Variants in CEP350 observed in about 807,000 individuals in gnomAD.
The protein encoded by CEP350 is centrosomal protein 350, also known as centrosome-associated protein 350.
A neutral mutation model predicts 331.8 loss-of-function variants in CEP350; 126 were observed. The observed-to-expected ratio is 0.38, with a 90% CI of 0.33 to 0.44. The LOEUF is 0.44. Ranked by LOEUF, CEP350 falls within the 20% of genes least tolerant of loss-of-function variation. The pLI, the probability that CEP350 is intolerant of heterozygous loss-of-function variation, is 1.00. For missense variants in CEP350, 3,406 were observed against 3,634.6 expected (o/e 0.94, Z 1.62); for synonymous variants, 1,200 against 1,259.5 (o/e 0.95, Z 1.00).
At position 179,997,035 on chromosome 1, in the gene CEP350, G is replaced by A. The variant is rs1653501288; in HGVS notation, c.878G>A (p.Trp293Ter). 2 of 1,613,882 alleles carry A rather than the reference G, an allele frequency of 1.2e-6. No homozygotes were observed. The highest frequency in any genetic ancestry group is 1.3e-5 in the African/African-American group (1 of 74,928). Reference sequence around the variant, plus strand: ...CTTAAGGAACGGATTAGAAAACAGTGGGAACACTCAGAAGAAACAAATGGC... The same window carrying A: ...CTTAAGGAACGGATTAGAAAACAGTAGGAACACTCAGAAGAAACAAATGGC... The part of the protein sequence containing the change: ...EKLKERIRKQ[W>*]EHSEETNGRG... Residue 293 changes from tryptophan (W) to a stop codon, truncating the protein, a stop_gained, in exon 6 of 38, where the codon TGG (tryptophan) becomes TAG (stop). Transcript: ENST00000367607. LOFTEE classifies it high-confidence loss of function.
chr1:180,107,377 A>G (rs969378173), intron 37 of CEP350, among the ~76,000 whole-genome samples: 4 of 152,200 alleles, frequency 2.6e-5, no homozygotes, highest in Admixed American at 6.5e-5. Flanking sequence ...CCTTTAATCA[A>G]AAAAGTGTAA....
In CEP350 at chr1:180,053,899, T is replaced by G. The variant is rs1282283646; in HGVS notation, c.5139T>G (p.Thr1713=). 1 of 1,608,250 alleles carries G rather than the reference T, an allele frequency of 6.2e-7. No individual in the cohort carries two copies. The highest frequency in any genetic ancestry group is 1.1e-5 in the South Asian group (1 of 90,012). ...GTGAAAAGGCCTTGAAGGAGAAGAC[T>G]AAGGCTGAATTGGCCTGGTTAGAGC... ...RLREKALKEK[T]KAELAWLEHQ... Residue 1713 remains threonine (T), a synonymous_variant, in exon 24 of 38, where the codon ACT becomes ACG. Transcript: ENST00000367607.
Position 180,113,093 on chromosome 1 carries a change from G to A in CEP350, c.*1932G>A, listed in dbSNP as rs1178013875. 1 of 152,602 alleles carries A rather than the reference G, an allele frequency of 6.6e-6. No homozygotes were observed. Among genetic ancestry groups the A allele is most frequent in the Non-Finnish European group, 1.5e-5 (1 of 68,038 alleles). 9.5% of individuals were successfully genotyped at this position (152,602 alleles called of 1,614,324 possible). A position where few individuals can be genotyped will look rare whatever the true frequency, so the allele number is the denominator to read the frequency against. The stretch of plus-strand genomic sequence containing the variant: ...GGTTTCTTGGGGTTATTAACCAGTA[G>A]TGTGGAAATACTAGTTTTATGTGGC... On this transcript the variant is annotated 3_prime_UTR_variant, in exon 38 of 38. Transcript: ENST00000367607.
chr1:180,087,495 T>G, intron 31 of CEP350, 83 bp from the exon 32 acceptor site: 1 of 1,274,676 alleles, frequency 7.8e-7, no homozygotes, highest in Non-Finnish European at 1.1e-6. Flanking sequence ...TTTGAGCATT[T>G]TACCTTAAAA....
At position 180,037,087 on chromosome 1, in the gene CEP350, A is replaced by G. The variant is rs1381990311; in HGVS notation, c.4108A>G (p.Lys1370Glu). Residue 1370 changes from lysine to glutamate, a missense_variant and splice_region_variant, in exon 17 of 38, where the codon AAG becomes GAG. By Grantham distance (56) the Lys-to-Glu change is moderately conservative. Coordinates refer to ENST00000367607, the MANE Select transcript of CEP350 (RefSeq NM_014810.5). ...QESVSLAQII[K>E]AQQQRHERDL... is the part of the protein sequence containing the mutation. ...GAGTGTGTCTCTAGCTCAGATAATA[A>G]AGGTATTTTTGGAGTTTTTTAGCTT... 3 of 1,564,720 alleles carry G rather than the reference A, an allele frequency of 1.9e-6. No homozygotes were observed. The Admixed American group carries it at 6.2e-5, about 32-fold the overall frequency.
intron 4 of CEP350, among the ~76,000 whole-genome samples, chr1:179,991,322 T>TC (rs1471089041): frequency 1.4e-4 from 21 of 146,384 alleles, no homozygotes; most frequent in African/African-American, 4.7e-4. Context: ...TTCTTTTTTT[T>TC]TTTTTTTTTT....
intron 17 of CEP350, among the ~76,000 whole-genome samples, chr1:180,039,789 T>TCAA (rs138511976): frequency 0.093 from 14,116 of 151,930 alleles, 1,091 homozygotes; most frequent in African/African-American, 0.21. Flanking sequence ...TTTGTTAGTT[T>TCAA]CAACAACAAC....
At position 180,113,422 on chromosome 1, in the gene CEP350, G is replaced by A. The variant is rs1490433201; in HGVS notation, c.*2261G>A. ...TACAAGTCATGGAATCAGCAATCTG[G>A]TAAGAAATGCTGCCAAGAATGTGGC... On this transcript the variant is annotated 3_prime_UTR_variant, in exon 38 of 38. Coordinates refer to ENST00000367607, the MANE Select transcript of CEP350 (RefSeq NM_014810.5). 2 of 152,068 alleles carry A rather than the reference G, an allele frequency of 1.3e-5. No homozygotes were observed. The highest frequency in any genetic ancestry group is 2.9e-5 in the Non-Finnish European group (2 of 68,016). 9.4% of individuals were successfully genotyped at this position (152,068 alleles called of 1,614,324 possible).
At chr1:179,984,343 C>T (rs1235961981) in intron 1 of CEP350, among the ~76,000 whole-genome samples, 1 of 152,194 alleles carries the variant, frequency 6.6e-6, no homozygotes, top group African/African-American at 2.4e-5. Flanking sequence ...GGCTCAATGT[C>T]TCTCATAAGG....
At chr1:180,095,232 T>TAGAC (rs3831085) in intron 34 of CEP350, 174,028 of 239,186 alleles carry the variant, frequency 0.73, 65,215 homozygotes, top group Admixed American at 0.8. Flanking sequence ...CCATATCCCA[T>TAGAC]AGACAGTTCT....
Position 180,022,708 on chromosome 1 carries a change from C to T in CEP350, c.3246C>T (p.Asp1082=), listed in dbSNP as rs757697818. Residue 1082 remains aspartate (D), a synonymous_variant, in exon 13 of 38, where the codon GAC becomes GAT. Coordinates refer to ENST00000367607, the MANE Select transcript of CEP350 (RefSeq NM_014810.5). ...TATTACTTTTGTCAGGGTTTGAAGA[C>T]AAGTTGGACAGAGGAACATCAACAT... ...SYQLYGKGFE[D]KLDRGTSTSR... 6.2e-7 allele frequency: 1 copy of T among 1,611,608 alleles called. No homozygotes were observed. Among genetic ancestry groups the T allele is most frequent in the East Asian group, 2.2e-5 (1 of 44,850 alleles).
rs71118426 is a variant in CEP350 at position 180,007,839 on chromosome 1, CGTGTGTGTGT to C, written c.1246+1303_1246+1312del. On this transcript the variant is annotated intron_variant, in intron 8 of 37. Coordinates refer to ENST00000367607, the MANE Select transcript of CEP350 (RefSeq NM_014810.5). ...TAAAAAATTAATACATTTTATGTATCGTGTGTGTGTGTGTGTGTGTGTGTGTGTGTGTGTG... is the reference window on the plus strand; with the variant it reads ...TAAAAAATTAATACATTTTATGTATCGTGTGTGTGTGTGTGTGTGTGTGTG... Among the ~76,000 whole-genome samples the C allele has an allele frequency of 4.1e-3, 579 of 141,006 alleles. 2 individuals carry two copies. Among genetic ancestry groups the C allele is most frequent in the African/African-American group, 7.6e-3 (290 of 38,332 alleles). 92.5% of individuals were successfully genotyped at this position (141,006 alleles called of 152,430 possible).
chr1:180,033,864 T>C lies in CEP350; in HGVS notation c.3728T>C (p.Val1243Ala). 7 of 1,613,468 alleles carry C rather than the reference T, an allele frequency of 4.3e-6. No homozygotes were observed. Among genetic ancestry groups the C allele is most frequent in the African/African-American group, 1.3e-5 (1 of 75,020 alleles). ...LEDLSGHSVS[V>A]SSDKGRSQKT... ...TTTTTGTGGATCAAAACTTCTAGTGTCTCATCAGATAAGGGAAGATCTCAG... is the reference window on the plus strand; with the variant it reads ...TTTTTGTGGATCAAAACTTCTAGTGCCTCATCAGATAAGGGAAGATCTCAG... Residue 1243 changes from valine (V) to alanine (A), a missense_variant and splice_region_variant, in exon 16 of 38, where the codon GTC becomes GCC. This residue lies in a region of CEP350 where 1,857 missense variants were observed against 1,909.2 expected (regional missense o/e 0.97). Transcript: ENST00000367607.
chr1:180,041,753 A>C lies in CEP350; in HGVS notation c.4313A>C (p.Gln1438Pro). ...QEATCKIAAQ[Q>P]SETARLTTDA... ...GCAACGTGTAAAATAGCAGCTCAGC[A>C]GTCAGAAACTGCTCGCCTCACCACA... Residue 1438 changes from glutamine (Q) to proline (P), a missense_variant, in exon 19 of 38, where the codon CAG (glutamine) becomes CCG (proline). This residue lies in a region of CEP350 where 1,857 missense variants were observed against 1,909.2 expected (regional missense o/e 0.97). Transcript: ENST00000367607. The C allele has an allele frequency of 6.2e-7, 1 of 1,613,274 alleles. No homozygotes were observed. The highest frequency in any genetic ancestry group is 8.5e-7 in the Non-Finnish European group (1 of 1,179,574).
intron 1 of CEP350, among the ~76,000 whole-genome samples, chr1:179,981,685 G>T (rs1437270782): frequency 6.6e-6 from 1 of 152,104 alleles, no homozygotes; most frequent in African/African-American, 2.4e-5. Flanking sequence ...CATGAGAATA[G>T]ATATCATAAA....
At chr1:179,992,495 G>A (rs1219348654) in intron 5 of CEP350, among the ~76,000 whole-genome samples, 4 of 152,048 alleles carry the variant, frequency 2.6e-5, no homozygotes, top group Admixed American at 2.6e-4. Flanking sequence ...TAATAAATAC[G>A]TTTCCTAGAA....
In CEP350 at chr1:180,092,703, G is replaced by A. The variant is rs1660270473; in HGVS notation, c.6598G>A (p.Glu2200Lys). Reference protein sequence around the residue: ...KRVNEWDSRTEDFQTPSPVLR... With the variant: ...KRVNEWDSRTKDFQTPSPVLR... Reference sequence around the variant, plus strand: ...AGTAAATGAATGGGACAGTCGAACAGAAGATTTTCAGACCCCATCTCCAGT... The same window carrying A: ...AGTAAATGAATGGGACAGTCGAACAAAAGATTTTCAGACCCCATCTCCAGT... The change falls in exon 34 of 38, where the codon GAA (glutamate) becomes AAA (lysine). Residue 2200 changes from glutamate (E) to lysine (K), a missense_variant. By Grantham distance (56) the Glu-to-Lys change is moderately conservative. Around this residue, in one of 5 missense-constraint regions of CEP350, gnomAD observed 1,415 missense variants for 1,512.3 expected, o/e 0.94. Transcript: ENST00000367607. The A allele has an allele frequency of 6.2e-7, 1 of 1,612,478 alleles. No homozygotes were observed. Among genetic ancestry groups the A allele is most frequent in the Non-Finnish European group, 8.5e-7 (1 of 1,179,220 alleles).
chr1:180,061,742 TG>T (rs1464314053), intron 25 of CEP350, among the ~76,000 whole-genome samples: 1 of 152,208 alleles, frequency 6.6e-6, no homozygotes, highest in Non-Finnish European at 1.5e-5. Context: ...GTCTTTGACT[TG>T]TTTATTTTAC....
At chr1:180,090,672 T>C (rs763589004) in intron 32 of CEP350, 42 bp from the exon 33 acceptor site, 2 of 1,495,140 alleles carry the variant, frequency 1.3e-6, no homozygotes, top group South Asian at 2.7e-5. Flanking sequence ...CCAGTTATTA[T>C]AGTAATATGT....
Sources: gnomAD v4.1 joint callset for allele counts (sites outside exome capture counted in the v4.1 genomes callset) on GRCh38, gnomAD v4.1.1 for gene constraint, gnomAD v4.1.1 regional missense constraint, MANE v1.5 for transcripts, NCBI Gene and HGNC (gene_info 2026-07-23, HGNC 2026-07-21) for gene names.